CREB3L1: variants seen among roughly 807,000 people sequenced by gnomAD.
CREB3L1 encodes the protein cyclic AMP-responsive element-binding protein 3-like protein 1.
A neutral mutation model predicts 54.5 loss-of-function variants in CREB3L1; 33 were observed. The ratio of observed to expected loss-of-function variants is 0.61; its 90% CI spans 0.46 to 0.81. The LOEUF (loss-of-function observed/expected upper bound fraction) is 0.81, where lower values mean the gene tolerates loss of function less well. CREB3L1 is among the 30% of genes least tolerant of loss of function. The pLI is 0.00. For missense variants in CREB3L1, 656 were observed against 673.3 expected, an observed-to-expected ratio of 0.97 and a Z score of 0.29; for synonymous variants, 284 against 286.4, an observed-to-expected ratio of 0.99 and a Z score of 0.08.
At position 46,321,245 on chromosome 11, in the gene CREB3L1, T is replaced by C. The variant is rs1025422243; in HGVS notation, c.*499T>C. On this transcript the variant is annotated 3_prime_UTR_variant, in exon 12 of 12. Coordinates refer to ENST00000621158, the MANE Select transcript of CREB3L1 (RefSeq NM_052854.4). ...CTTGTTTTATATTTTATGAAGTTAG[T>C]GCGGGCTTTGCTGCTCCCTGGCCCA... The C allele has an allele frequency of 4.5e-5, 14 of 308,176 alleles. No individual in the cohort carries two copies. Among genetic ancestry groups the C allele is most frequent in the African/African-American group, 2.5e-4 (12 of 48,918 alleles). The allele number at this position is 308,176 out of a possible 1,614,324, so 19.1% of individuals were successfully genotyped here. A position where few individuals can be genotyped will look rare whatever the true frequency, so the allele number is the denominator to read the frequency against.
chr11:46,303,057 C>G (rs921137245), intron 2 of CREB3L1, among the ~76,000 whole-genome samples: 2 of 152,166 alleles, frequency 1.3e-5, no homozygotes, highest in African/African-American at 4.8e-5. Flanking sequence ...AAATGCAGAA[C>G]AGAGACATAA....
intron 10 of CREB3L1, 41 bp from the exon 11 acceptor site, chr11:46,320,223 G>A (rs1357338570): frequency 6.5e-7 from 1 of 1,534,442 alleles, no homozygotes; most frequent in South Asian, 1.3e-5. Flanking sequence ...GGATGTTGAG[G>A]GAATCTTGGG....
chr11:46,295,782 G>A lies in CREB3L1; in HGVS notation c.103-4153G>A, dbSNP rs962097809. ...GGCCGCTCCAGGACGGCGGCACCCGGATCCTTCTCTAAAATTTAAAGGGCG... is the reference window on the plus strand; with the variant it reads ...GGCCGCTCCAGGACGGCGGCACCCGAATCCTTCTCTAAAATTTAAAGGGCG... On this transcript the variant is annotated intron_variant, in intron 1 of 11. Coordinates refer to ENST00000621158, the MANE Select transcript of CREB3L1 (RefSeq NM_052854.4). The surrounding 1 kb of genome is among the most constrained non-coding windows in gnomAD (Gnocchi z 4.6). Among the ~76,000 whole-genome samples the A allele has an allele frequency of 6.6e-6, 1 of 152,200 alleles. No individual in the cohort carries two copies. The highest frequency in any genetic ancestry group is 2.4e-5 in the African/African-American group (1 of 41,456).
chr11:46,278,010 C>A lies in CREB3L1; in HGVS notation c.-102C>A. 1 of 572,734 alleles carries A rather than the reference C, an allele frequency of 1.7e-6. No individual in the cohort carries two copies. The highest frequency in any genetic ancestry group is 2.7e-6 in the Non-Finnish European group (1 of 364,940). 35.5% of individuals were successfully genotyped at this position (572,734 alleles called of 1,614,324 possible). A position where few individuals can be genotyped will look rare whatever the true frequency, so the allele number is the denominator to read the frequency against. The stretch of plus-strand genomic sequence containing the variant: ...CCGGGGCTTCGCCCCGGACCTGCCC[C>A]CCGCCCGTTTGCCAGCGCTCAGGCA... On this transcript the variant is annotated 5_prime_UTR_variant, in exon 1 of 12. Coordinates refer to ENST00000621158, the MANE Select transcript of CREB3L1 (RefSeq NM_052854.4). This position sits in a 1 kb window ranked among gnomAD's most constrained non-coding sequence, Gnocchi z 4.2.
intron 3 of CREB3L1, among the ~76,000 whole-genome samples, chr11:46,308,289 C>T (rs1939432403): frequency 6.6e-6 from 1 of 152,198 alleles, no homozygotes; most frequent in Non-Finnish European, 1.5e-5. Context: ...GCATCAGGAG[C>T]CCAGTCCAGG....
chr11:46,287,413 C>T (rs1939069642), intron 1 of CREB3L1, among the ~76,000 whole-genome samples: 1 of 152,048 alleles, frequency 6.6e-6, no homozygotes, highest in African/African-American at 2.4e-5. Context: ...ATCCTCTCAC[C>T]TCAAACCCCT....
intron 1 of CREB3L1, among the ~76,000 whole-genome samples, chr11:46,280,322 G>A (rs1938951354): frequency 6.6e-6 from 1 of 151,738 alleles, no homozygotes; most frequent in African/African-American, 2.4e-5. Flanking sequence ...CGAGTAGCTG[G>A]GACTACAGGC....
chr11:46,314,444 T>C lies in CREB3L1; in HGVS notation c.1031+1525T>C, dbSNP rs371372317. Among the ~76,000 whole-genome samples, 3 of 152,098 alleles carry C rather than the reference T, an allele frequency of 2.0e-5. No homozygotes were observed. In the East Asian group the frequency reaches 5.8e-4, roughly 29 times the overall value. ...CTCTGTTGCCCATGCTGGAGCGTAG[T>C]GGGGTGATCATAGCTCACTGCAGCC... On this transcript the variant is annotated intron_variant, in intron 8 of 11. Coordinates refer to ENST00000621158, the MANE Select transcript of CREB3L1 (RefSeq NM_052854.4).
intron 2 of CREB3L1, among the ~76,000 whole-genome samples, chr11:46,300,908 G>C (rs1939288695): frequency 1.3e-5 from 2 of 151,800 alleles, no homozygotes; most frequent in African/African-American, 4.8e-5. Context: ...GGGAAGCTGA[G>C]GCAGGAGAAT....
intron 4 of CREB3L1, 44 bp from the exon 5 acceptor site, chr11:46,310,988 C>T (rs750500533): frequency 1.3e-6 from 2 of 1,519,306 alleles, no homozygotes; most frequent in South Asian, 1.3e-5. Flanking sequence ...CCAAGTGGAG[C>T]TGATGTGCAA....
intron 2 of CREB3L1, among the ~76,000 whole-genome samples, chr11:46,306,883 T>C (rs1048228192): frequency 6.6e-6 from 1 of 151,840 alleles, no homozygotes; most frequent in East Asian, 1.9e-4. Flanking sequence ...CTCTCTCTTT[T>C]TTTTTTTTTT....
At chr11:46,287,533 T>C (rs769914233) in intron 1 of CREB3L1, among the ~76,000 whole-genome samples, 2 of 152,004 alleles carry the variant, frequency 1.3e-5, no homozygotes, top group Non-Finnish European at 2.9e-5. Context: ...ACTCCTGAGC[T>C]CAAGCGATCC....
intron 1 of CREB3L1, among the ~76,000 whole-genome samples, chr11:46,298,776 AACCT>A (rs1214111950): frequency 1.1e-4 from 16 of 152,202 alleles, no homozygotes; most frequent in Admixed American, 1.0e-3. Context: ...AATGTACAAG[AACCT>A]ACCATATGTC....
chr11:46,288,692 C>G (rs530911762), intron 1 of CREB3L1, among the ~76,000 whole-genome samples: 8 of 152,094 alleles, frequency 5.3e-5, no homozygotes, highest in African/African-American at 1.9e-4. Context: ...CAGGATGAAC[C>G]CAGTGTGTGG....
chr11:46,285,885 A>G (rs1439383947), intron 1 of CREB3L1, among the ~76,000 whole-genome samples: 1 of 152,236 alleles, frequency 6.6e-6, no homozygotes, highest in Non-Finnish European at 1.5e-5. Flanking sequence ...TCAGGCCTTC[A>G]TGGAGAGCCA....
rs751177184 is a variant in CREB3L1 at position 46,320,473 on chromosome 11, G to A, written c.1468G>A (p.Gly490Ser). ...KYLSEAWPKD[G>S]GNGTSPDFSH... Reference sequence around the variant, plus strand: ...CCTGAGTGAGGCCTGGCCTAAAGACGGTGGAAACGGCACCAGCCCCGACTT... The same window carrying A: ...CCTGAGTGAGGCCTGGCCTAAAGACAGTGGAAACGGCACCAGCCCCGACTT... Residue 490 changes from glycine to serine, a missense_variant, in exon 11 of 12, where the codon GGT becomes AGT. By Grantham distance (56) the Gly-to-Ser change is moderately conservative. Transcript: ENST00000621158. 8.1e-6 allele frequency: 13 copies of A among 1,599,824 alleles called. No homozygotes were observed. Among genetic ancestry groups the A allele is most frequent in the South Asian group, 3.4e-5 (3 of 89,080 alleles).
At position 46,278,978 on chromosome 11, in the gene CREB3L1, T is replaced by A. The variant is rs1171814602; in HGVS notation, c.102+765T>A. 6.6e-6 allele frequency among the ~76,000 whole-genome samples: 1 copy of A among 152,156 alleles called. No individual in the cohort carries two copies. Among genetic ancestry groups the A allele is most frequent in the Non-Finnish European group, 1.5e-5 (1 of 68,022 alleles). On this transcript the variant is annotated intron_variant, in intron 1 of 11. Transcript: ENST00000621158. The surrounding 1 kb of genome is among the most constrained non-coding windows in gnomAD (Gnocchi z 4.2). ...TCCCTCCCTAAGGAAACGTGGCTTC[T>A]CTCTCTTCTTCCCTCCCTCCCTCTC...
chr11:46,289,103 C>T (rs996533566), intron 1 of CREB3L1, among the ~76,000 whole-genome samples: 2 of 152,054 alleles, frequency 1.3e-5, no homozygotes, highest in African/African-American at 2.4e-5. Context: ...TCCGGCCAGG[C>T]GCGGTGGCTC....
At chr11:46,305,235 G>A (rs1362807121) in intron 2 of CREB3L1, among the ~76,000 whole-genome samples, 3 of 152,132 alleles carry the variant, frequency 2.0e-5, no homozygotes, top group African/African-American at 7.2e-5. Flanking sequence ...CAGGAAAAGG[G>A]GTGATGCCTG....
Sources: gnomAD v4.1 joint callset for allele counts (sites outside exome capture counted in the v4.1 genomes callset) on GRCh38, gnomAD v4.1.1 for gene constraint, Gnocchi (gnomAD v3.1) non-coding constraint, MANE v1.5 for transcripts, NCBI Gene and HGNC (gene_info 2026-07-23, HGNC 2026-07-21) for gene names.